The following ESYT2 variants were observed in gnomAD, a reference collection of about 807,000 sequenced individuals.
ESYT2 encodes the protein extended synaptotagmin-2.
A neutral mutation model predicts 107.2 loss-of-function variants in ESYT2; 54 were observed. The observed-to-expected ratio is 0.50, with a 90% CI of 0.40 to 0.63. The LOEUF (loss-of-function observed/expected upper bound fraction) is 0.63, where lower values mean the gene tolerates loss of function less well. Ranked by LOEUF, ESYT2 falls within the 30% of genes least tolerant of loss-of-function variation. The pLI is 0.00. For synonymous variants in ESYT2, 491 were observed against 434.1 expected, an observed-to-expected ratio of 1.13 and a Z score of -1.63; for missense variants, 1,020 against 1,094.5, an observed-to-expected ratio of 0.93 and a Z score of 0.96.
At chr7:158,789,647 G>C (rs79655940) in intron 4 of ESYT2, among the ~76,000 whole-genome samples, 1 of 152,058 alleles carries the variant, frequency 6.6e-6, no homozygotes, top group African/African-American at 2.4e-5. Flanking sequence ...ATGAGCCACC[G>C]CACCTGGCCT....
At chr7:158,779,265 A>G (rs916278665) in intron 6 of ESYT2, among the ~76,000 whole-genome samples, 2 of 152,196 alleles carry the variant, frequency 1.3e-5, no homozygotes, top group African/African-American at 4.8e-5. Flanking sequence ...CAAGAGAGCC[A>G]GGTGTAGTGG....
intron 7 of ESYT2, among the ~76,000 whole-genome samples, chr7:158,770,290 A>G (rs1419426093): frequency 6.8e-6 from 1 of 147,872 alleles, no homozygotes; most frequent in Admixed American, 7.1e-5. Context: ...TTTTACGTAC[A>G]TATCTATTAA....
At chr7:158,738,926 T>C (rs1007120189) in intron 19 of ESYT2, 97 bp downstream of exon 19, 1 of 1,207,606 alleles carries the variant, frequency 8.3e-7, no homozygotes, top group Non-Finnish European at 1.2e-6. Flanking sequence ...GAAACATAAA[T>C]GGATGTTTGG....
In ESYT2 at chr7:158,827,389, T is replaced by C. The variant is rs546028989; in HGVS notation, c.330+1700A>G. Among the ~76,000 whole-genome samples the C allele has an allele frequency of 8.7e-4, 132 of 152,318 alleles. 1 individual carries two copies. The highest frequency in any genetic ancestry group is 1.6e-3 in the Non-Finnish European group (110 of 68,024). ...TAGTATTATGCATCTTAGTGTAATATAGACACAAAACGTCACTTTAAAGTC... is the reference window on the plus strand; with the variant it reads ...TAGTATTATGCATCTTAGTGTAATACAGACACAAAACGTCACTTTAAAGTC... On this transcript the variant is annotated intron_variant, in intron 1 of 22. Coordinates refer to ENST00000275418, the MANE Select transcript of ESYT2 (RefSeq NM_001367773.1).
At chr7:158,821,975 A>C (rs528973569) in intron 1 of ESYT2, among the ~76,000 whole-genome samples, 86 of 152,192 alleles carry the variant, frequency 5.7e-4, no homozygotes, top group Admixed American at 9.8e-4. Flanking sequence ...CCACCGTGAC[A>C]CTGGAGCCAT....
intron 10 of ESYT2, among the ~76,000 whole-genome samples, chr7:158,762,082 G>A (rs1179537226): frequency 2.6e-5 from 4 of 151,616 alleles, no homozygotes; most frequent in Non-Finnish European, 5.9e-5. Context: ...GCCCTCACTC[G>A]GTGCATCTGA....
chr7:158,767,504 G>T, intron 8 of ESYT2, 150 bp downstream of exon 8: 3 of 1,011,984 alleles, frequency 3.0e-6, no homozygotes, highest in Non-Finnish European at 4.3e-6. Context: ...TAAGGAAAGT[G>T]ACGGACAACC....
intron 1 of ESYT2, among the ~76,000 whole-genome samples, chr7:158,809,653 T>C (rs1167701019): frequency 6.6e-6 from 1 of 152,172 alleles, no homozygotes; most frequent in African/African-American, 2.4e-5. Flanking sequence ...CCCTCTAGGA[T>C]GGTTAAAATA....
In ESYT2 at chr7:158,767,715, C is replaced by G. The variant is rs377458182; in HGVS notation, c.863G>C (p.Arg288Pro). Residue 288 changes from arginine (R) to proline (P), a missense_variant, in exon 8 of 23, where the codon CGA (arginine) becomes CCA (proline). Coordinates refer to ENST00000275418, the MANE Select transcript of ESYT2 (RefSeq NM_001367773.1). ...IISNYLVLPN[R>P]ITVPLVSEVQ... ...TTCACTGACAAGTGGAACGGTGATTCGATTGGGAAGCACCAGATAGTTTGA... is the reference window on the plus strand; with the variant it reads ...TTCACTGACAAGTGGAACGGTGATTGGATTGGGAAGCACCAGATAGTTTGA... 3.7e-5 allele frequency: 59 copies of G among 1,612,920 alleles called. No individual in the cohort carries two copies. In the Admixed American group the frequency reaches 3.8e-4, roughly 11 times the overall value.
At chr7:158,745,115 A>G (rs559601785) in intron 16 of ESYT2, among the ~76,000 whole-genome samples, 1 of 152,188 alleles carries the variant, frequency 6.6e-6, no homozygotes, top group African/African-American at 2.4e-5. Context: ...TTTTGCACCA[A>G]CCTAATAAAA....
chr7:158,815,319 T>G (rs1207113497), intron 1 of ESYT2, among the ~76,000 whole-genome samples: 3 of 152,110 alleles, frequency 2.0e-5, no homozygotes, highest in Non-Finnish European at 4.4e-5. Flanking sequence ...CATTAAAGAC[T>G]GAAGTAATCT....
In ESYT2 at chr7:158,734,125, A is replaced by G. The variant is rs111251119; in HGVS notation, c.*82T>C. On this transcript the variant is annotated 3_prime_UTR_variant, in exon 23 of 23. Coordinates refer to ENST00000275418, the MANE Select transcript of ESYT2 (RefSeq NM_001367773.1). ...ACTAAATCCATGAAATTATAAAAAT[A>G]ACATTGGTACGTCTGTGAGAGGGTG... 16 of 1,462,938 alleles carry G rather than the reference A, an allele frequency of 1.1e-5. 1 individual carries two copies. The Admixed American group carries it at 1.1e-4, about 10-fold the overall frequency. 90.6% of individuals were successfully genotyped at this position (1,462,938 alleles called of 1,614,324 possible). A position where few individuals can be genotyped will look rare whatever the true frequency, so the allele number is the denominator to read the frequency against.
chr7:158,770,862 A>G (rs1342954034), intron 7 of ESYT2, among the ~76,000 whole-genome samples: 1 of 152,130 alleles, frequency 6.6e-6, no homozygotes, highest in African/African-American at 2.4e-5. Context: ...CATATAAAAC[A>G]AGAGAAGCTG....
intron 6 of ESYT2, among the ~76,000 whole-genome samples, chr7:158,782,388 A>G (rs370517434): frequency 7.2e-5 from 4 of 55,216 alleles, no homozygotes; most frequent in East Asian, 6.5e-4. Context: ...AAAGTGAGGT[A>G]AGAACGAGAA....
chr7:158,733,986 G>A lies in ESYT2; in HGVS notation c.*221C>T, dbSNP rs760382920. The A allele has an allele frequency of 2.0e-5, 11 of 549,344 alleles. No individual in the cohort carries two copies. Among genetic ancestry groups the A allele is most frequent in the African/African-American group, 3.8e-5 (2 of 52,490 alleles). 34.0% of individuals were successfully genotyped at this position (549,344 alleles called of 1,614,324 possible). A position where few individuals can be genotyped will look rare whatever the true frequency, so the allele number is the denominator to read the frequency against. On this transcript the variant is annotated 3_prime_UTR_variant, in exon 23 of 23. Coordinates refer to ENST00000275418, the MANE Select transcript of ESYT2 (RefSeq NM_001367773.1). ...AAGAGCTACCGCCGCCCTACTGCACGTTGTAGGAACTGGCGAAATCCTAGA... is the reference window on the plus strand; with the variant it reads ...AAGAGCTACCGCCGCCCTACTGCACATTGTAGGAACTGGCGAAATCCTAGA...
Position 158,748,214 on chromosome 7 carries a change from G to A in ESYT2, c.1624C>T (p.Arg542Cys), listed in dbSNP as rs765073812. Residue 542 changes from arginine to cysteine, a missense_variant, in exon 16 of 23, where the codon CGC becomes TGC. Arg to Cys is a radical substitution (Grantham distance 180). Transcript: ENST00000275418. ...NFTFFIHNPKRQDLEVEVRDE... is the reference protein window; with the variant it reads ...NFTFFIHNPKCQDLEVEVRDE... ...AATACCTCAACTTCAAGGTCCTGGC[G>A]CTTGGGATTGTGAATGAAGAAAGTG... The A allele has an allele frequency of 2.5e-5, 40 of 1,613,986 alleles. No homozygotes were observed. The highest frequency in any genetic ancestry group is 1.8e-4 in the Admixed American group (11 of 59,990).
chr7:158,750,282 TATTAA>T (rs922939398), intron 14 of ESYT2, among the ~76,000 whole-genome samples: 1 of 152,050 alleles, frequency 6.6e-6, no homozygotes, highest in African/African-American at 2.4e-5. Context: ...TTTAGAATCA[TATTAA>T]ATTAAGCAGA....
intron 2 of ESYT2, 41 bp from the exon 3 acceptor site, chr7:158,798,117 T>G (rs1008396399): frequency 1.5e-5 from 24 of 1,611,184 alleles, no homozygotes; most frequent in Non-Finnish European, 2.0e-5. Context: ...AAATGCTATA[T>G]AATGCATGAC....
intron 19 of ESYT2, 53 bp from the exon 20 acceptor site, chr7:158,737,232 G>A: frequency 6.3e-7 from 1 of 1,580,946 alleles, no homozygotes; most frequent in East Asian, 2.3e-5. Flanking sequence ...AAAAGAGAAT[G>A]AGCAGCACAT....
Sources: allele counts gnomAD v4.1 joint callset (sites outside exome capture counted in the v4.1 genomes callset), GRCh38; gene constraint gnomAD v4.1.1; transcripts MANE v1.5; gene names NCBI Gene and HGNC (gene_info 2026-07-23, HGNC 2026-07-21).